The following DPP6 variants were observed in gnomAD, a reference collection of about 807,000 sequenced individuals.
DPP6 encodes dipeptidyl peptidase like 6.
Under a neutral mutation model 122.6 loss-of-function variants are expected in DPP6, and 69 were observed. That is an observed-to-expected ratio of 0.56 (90% CI 0.46 to 0.69). The LOEUF is 0.69. DPP6 is among the 30% of genes least tolerant of loss of function. DPP6 has a pLI of 0.00. For synonymous variants in DPP6, 418 were observed against 433.1 expected, an observed-to-expected ratio of 0.97 and a Z score of 0.43; for missense variants, 928 against 1,116.9, an observed-to-expected ratio of 0.83 and a Z score of 2.41.
At position 154,123,804 on chromosome 7, in the gene DPP6, C is replaced by T. The variant is rs1412054145; in HGVS notation, c.243+70741C>T. On this transcript the variant is annotated intron_variant, in intron 1 of 25. Coordinates refer to ENST00000377770, the MANE Select transcript of DPP6 (RefSeq NM_130797.4). The stretch of plus-strand genomic sequence containing the variant: ...ACCTGGGACAAATGTGCCGCTCGCT[C>T]ACGGGGCTTACCTGGGGACAGTTGT... Among the ~76,000 whole-genome samples the T allele has an allele frequency of 8.1e-5, 10 of 123,084 alleles. 1 individual carries two copies. Among genetic ancestry groups the T allele is most frequent in the Non-Finnish European group, 1.7e-4 (9 of 53,974 alleles). The allele number at this position is 123,084 out of a possible 152,430, so 80.7% of individuals were successfully genotyped here.
chr7:153,886,452 C>T (rs967049223), upstream of DPP6, among the ~76,000 whole-genome samples: 1 of 152,128 alleles, frequency 6.6e-6, no homozygotes, highest in Non-Finnish European at 1.5e-5. Flanking sequence ...GAGCCGTGGG[C>T]GCCAGACTGG....
intron 16 of DPP6, among the ~76,000 whole-genome samples, chr7:154,848,246 C>T (rs1356755525): frequency 6.6e-6 from 1 of 152,036 alleles, no homozygotes; most frequent in African/African-American, 2.4e-5. Flanking sequence ...GAGGAACCAC[C>T]ATATTGTTTT....
chr7:154,127,636 CACACACACACACACAG>C (rs879896705), intron 1 of DPP6, among the ~76,000 whole-genome samples: 1,816 of 104,088 alleles, frequency 0.017, 15 homozygotes, highest in African/African-American at 0.042. Context: ...CACACACAGA[CACACACACACACACAG>C]ACACACACAC....
At chr7:154,141,083 A>G (rs1224976833) in intron 1 of DPP6, among the ~76,000 whole-genome samples, 1 of 152,184 alleles carries the variant, frequency 6.6e-6, no homozygotes. Context: ...TGAAGGCATC[A>G]TGTATGGACA....
chr7:154,879,231 C>G (rs1173616086), intron 20 of DPP6, among the ~76,000 whole-genome samples: 1 of 151,464 alleles, frequency 6.6e-6, no homozygotes, highest in East Asian at 1.9e-4. Context: ...TCACCGGAGT[C>G]CAGGAGTTCA....
intron 8 of DPP6, among the ~76,000 whole-genome samples, chr7:154,757,961 G>A (rs1455392426): frequency 3.3e-5 from 5 of 152,120 alleles, no homozygotes; most frequent in East Asian, 1.9e-4. Context: ...ACCAAGTGCC[G>A]CGCTCTCCCC....
At chr7:154,018,069 G>C (rs989986542) in intron 1 of DPP6, among the ~76,000 whole-genome samples, 10 of 152,130 alleles carry the variant, frequency 6.6e-5, no homozygotes, top group Non-Finnish European at 1.5e-4. Context: ...CATGGAACCA[G>C]CTGGGCACTC....
At position 154,602,930 on chromosome 7, in the gene DPP6, C is replaced by T. The variant is rs1037287042; in HGVS notation, c.628-34891C>T. On this transcript the variant is annotated intron_variant, in intron 5 of 25. Coordinates refer to ENST00000377770, the MANE Select transcript of DPP6 (RefSeq NM_130797.4). ...TATTTAACATTGTAATGCTGGTCTA[C>T]TGGCAATGAATTCTCTCAACTTTTG... Among the ~76,000 whole-genome samples the T allele has an allele frequency of 1.0e-4, 12 of 119,388 alleles. 2 individuals carry two copies. Among genetic ancestry groups the T allele is most frequent in the African/African-American group, 3.2e-4 (12 of 37,582 alleles). The allele number at this position is 119,388 out of a possible 152,430, so 78.3% of individuals were successfully genotyped here.
At chr7:154,002,973 G>A (rs569571411) in intron 1 of DPP6, among the ~76,000 whole-genome samples, 8 of 152,236 alleles carry the variant, frequency 5.3e-5, no homozygotes, top group Non-Finnish European at 1.0e-4. Context: ...TCCCTCATGC[G>A]TTTTGGAGCC....
At chr7:153,847,712 A>G in the DPP6 span, among the ~76,000 whole-genome samples, 1 of 152,190 alleles carries the variant, frequency 6.6e-6, no homozygotes, top group Non-Finnish European at 1.5e-5. Context: ...GTTAAAATCT[A>G]AATTGTCTTC....
chr7:154,697,412 G>A (rs573290467), intron 7 of DPP6, among the ~76,000 whole-genome samples: 1 of 152,324 alleles, frequency 6.6e-6, no homozygotes, highest in East Asian at 1.9e-4. Context: ...CAAGACCCCT[G>A]CAGCACCCTG....
rs1456253601 is a variant in DPP6 at position 154,833,365 on chromosome 7, T to C, written c.1667-20415T>C. 6.6e-6 allele frequency among the ~76,000 whole-genome samples: 1 copy of C among 152,040 alleles called. No individual in the cohort carries two copies. The highest frequency in any genetic ancestry group is 2.4e-5 in the African/African-American group (1 of 41,398). On this transcript the variant is annotated intron_variant, in intron 16 of 25. Transcript: ENST00000377770. This position sits in a 1 kb window ranked among gnomAD's most constrained non-coding sequence, Gnocchi z 4.3. ...AAGAAAAGGAGTGTTTGGTAACTGG[T>C]AAAAATGGGGTGTGGGGAGGAAAAG...
intron 1 of DPP6, among the ~76,000 whole-genome samples, chr7:153,949,431 T>C (rs565317391): frequency 1.3e-5 from 2 of 152,242 alleles, no homozygotes; most frequent in South Asian, 4.2e-4. Flanking sequence ...GCTTGCATGG[T>C]GTGTGGTGCT....
intron 7 of DPP6, among the ~76,000 whole-genome samples, chr7:154,719,648 T>C (rs28622456): frequency 0.017 from 2,658 of 152,262 alleles, 80 homozygotes; most frequent in African/African-American, 0.061. Context: ...TCTGCACAGT[T>C]GGCTTCCAGC....
At chr7:154,749,269 G>T (rs1843211148) in intron 8 of DPP6, among the ~76,000 whole-genome samples, 1 of 132,478 alleles carries the variant, frequency 7.5e-6, no homozygotes, top group African/African-American at 2.8e-5. Context: ...GGGTGAGGGA[G>T]CATAGGACAG....
At chr7:153,878,221 A>G in the DPP6 span, among the ~76,000 whole-genome samples, 1 of 152,224 alleles carries the variant, frequency 6.6e-6, no homozygotes, top group Non-Finnish European at 1.5e-5. Context: ...AAGGCTGAAT[A>G]CACACATTCT....
the DPP6 span, among the ~76,000 whole-genome samples, chr7:153,758,820 G>A: frequency 2.0e-5 from 3 of 151,730 alleles, no homozygotes; most frequent in Non-Finnish European, 4.4e-5. Context: ...TACCAAAAAA[G>A]CTTTTATAAA....
At chr7:153,809,600 C>A in the DPP6 span, among the ~76,000 whole-genome samples, 1 of 151,710 alleles carries the variant, frequency 6.6e-6, no homozygotes, top group African/African-American at 2.4e-5. Context: ...CAGCCCTTTC[C>A]TTGGTGCAGT....
At chr7:153,788,049 T>G in the DPP6 span, among the ~76,000 whole-genome samples, 17 of 152,150 alleles carry the variant, frequency 1.1e-4, no homozygotes, top group Non-Finnish European at 1.5e-5. Context: ...TTTTCTTTTA[T>G]AAAAGGAAAG....
Sources: allele counts gnomAD v4.1 joint callset (sites outside exome capture counted in the v4.1 genomes callset), GRCh38; gene constraint gnomAD v4.1.1; non-coding constraint Gnocchi (gnomAD v3.1); transcripts MANE v1.5; gene names NCBI Gene and HGNC (gene_info 2026-07-23, HGNC 2026-07-21).